The following GRIP1 variants were observed in gnomAD, a reference collection of about 807,000 sequenced individuals.
GRIP1 encodes glutamate receptor interacting protein 1.
A neutral mutation model predicts 129.9 loss-of-function variants in GRIP1; 45 were observed. The ratio of observed to expected loss-of-function variants is 0.35; its 90% CI spans 0.27 to 0.44. The LOEUF is 0.44. Ranked by LOEUF, GRIP1 falls within the 20% of genes least tolerant of loss-of-function variation. The probability of loss-of-function intolerance (pLI) is 1.00; values close to 1 mark genes in which losing one functional copy is unlikely to be tolerated. For missense variants in GRIP1, 1,196 were observed against 1,396.8 expected (o/e 0.86, Z 2.29); for synonymous variants, 530 against 520.8 (o/e 1.02, Z -0.24).
intron 1 of GRIP1, among the ~76,000 whole-genome samples, chr12:66,914,334 G>A (rs1183122316): frequency 6.6e-6 from 1 of 152,062 alleles, no homozygotes; most frequent in Non-Finnish European, 1.5e-5. Context: ...CTCTTCATTT[G>A]GGCATTTACA....
intron 2 of GRIP1, among the ~76,000 whole-genome samples, chr12:66,542,233 G>A (rs907044909): frequency 1.3e-5 from 2 of 152,036 alleles, no homozygotes; most frequent in African/African-American, 4.8e-5. Context: ...TTTATTTTCT[G>A]CCATTCTCAG....
At chr12:66,524,265 C>G (rs954054879) in intron 5 of GRIP1, among the ~76,000 whole-genome samples, 2 of 152,094 alleles carry the variant, frequency 1.3e-5, no homozygotes, top group Admixed American at 6.6e-5. Context: ...CAAAATTGAC[C>G]ACATAGTTGG....
chr12:66,367,385 C>G (rs1001290467), intron 23 of GRIP1, among the ~76,000 whole-genome samples: 7 of 152,170 alleles, frequency 4.6e-5, no homozygotes, highest in African/African-American at 1.7e-4. Context: ...GGGAGTGATT[C>G]TCAATTTCTA....
At chr12:66,863,734 C>T (rs2040152653) in intron 1 of GRIP1, among the ~76,000 whole-genome samples, 3 of 152,054 alleles carry the variant, frequency 2.0e-5, no homozygotes, top group Non-Finnish European at 2.9e-5. Flanking sequence ...TCCTCATACG[C>T]CCTGTGTTAA....
In GRIP1 at chr12:67,053,102, T is replaced by C. The variant is rs185824199; in HGVS notation, c.58+15948A>G. ...ATGATGAGGAATCCATGAGGGGCCTTTGATTCATTCAGGAGTCTCCCTTAG... is the reference window on the plus strand; with the variant it reads ...ATGATGAGGAATCCATGAGGGGCCTCTGATTCATTCAGGAGTCTCCCTTAG... On this transcript the variant is annotated intron_variant, in intron 1 of 1. Coordinates refer to the GRIP1 transcript ENST00000643019. Among the ~76,000 whole-genome samples, 8 of 152,266 alleles carry C rather than the reference T, an allele frequency of 5.3e-5. No homozygotes were observed. The East Asian group carries it at 1.5e-3, about 29-fold the overall frequency.
intron 1 of GRIP1, among the ~76,000 whole-genome samples, chr12:66,645,595 C>T (rs777937821): frequency 7.2e-5 from 11 of 152,014 alleles, no homozygotes; most frequent in Admixed American, 7.2e-4. Context: ...ATGTGTTTTC[C>T]GGAATTAACT....
At chr12:66,358,172 G>A (rs1174427407) in intron 23 of GRIP1, among the ~76,000 whole-genome samples, 2 of 152,216 alleles carry the variant, frequency 1.3e-5, no homozygotes, top group Non-Finnish European at 2.9e-5. Flanking sequence ...TGGGATTACA[G>A]GCGTAAGCCA....
chr12:66,659,613 A>C (rs533102390), intron 1 of GRIP1, among the ~76,000 whole-genome samples: 1 of 152,368 alleles, frequency 6.6e-6, no homozygotes, highest in South Asian at 2.1e-4. Flanking sequence ...CTCTGTATTG[A>C]TTCTAATTTA....
At chr12:66,466,879 T>A (rs1322946212) in intron 7 of GRIP1, among the ~76,000 whole-genome samples, 1 of 152,154 alleles carries the variant, frequency 6.6e-6, no homozygotes, top group Non-Finnish European at 1.5e-5. Flanking sequence ...AAGGCCCCAC[T>A]CAGATATAGT....
chr12:66,982,686 T>C (rs2042255969), intron 1 of GRIP1, among the ~76,000 whole-genome samples: 1 of 152,154 alleles, frequency 6.6e-6, no homozygotes, highest in African/African-American at 2.4e-5. Context: ...AGCTTAGAAG[T>C]GGGTTCACCC....
At chr12:66,559,286 C>G (rs1052688333) in intron 2 of GRIP1, among the ~76,000 whole-genome samples, 1 of 152,078 alleles carries the variant, frequency 6.6e-6, no homozygotes, top group Admixed American at 6.6e-5. Context: ...TAGAAAGATG[C>G]TCAGTGTCAC....
At chr12:66,410,751 G>A (rs1297387763) in intron 15 of GRIP1, among the ~76,000 whole-genome samples, 4 of 152,172 alleles carry the variant, frequency 2.6e-5, no homozygotes, top group African/African-American at 7.2e-5. Flanking sequence ...CCTTAAAGAC[G>A]AGGTAGAGAG....
At chr12:66,446,097 G>GCCCCCCACCACCA (rs1555185782) in intron 11 of GRIP1, among the ~76,000 whole-genome samples, 7 of 139,270 alleles carry the variant, frequency 5.0e-5, no homozygotes, top group Non-Finnish European at 7.6e-5. Flanking sequence ...TCCTCCTGCC[G>GCCCCCCACCACCA]CCCCCCACCA....
At chr12:66,704,673 A>G (rs905788775) in intron 1 of GRIP1, among the ~76,000 whole-genome samples, 1 of 152,134 alleles carries the variant, frequency 6.6e-6, no homozygotes, top group South Asian at 2.1e-4. Context: ...TTTCCCAGAG[A>G]GCTTAAGAAC....
chr12:66,895,546 G>A (rs1215349481), intron 1 of GRIP1, among the ~76,000 whole-genome samples: 1 of 152,100 alleles, frequency 6.6e-6, no homozygotes, highest in African/African-American at 2.4e-5. Context: ...AGCCTCACTT[G>A]GTCTGGATCC....
chr12:66,538,825 A>T (rs563024036), intron 4 of GRIP1, among the ~76,000 whole-genome samples: 2 of 151,626 alleles, frequency 1.3e-5, no homozygotes, highest in African/African-American at 4.8e-5. Context: ...CTGGTCTCGA[A>T]CCACTGGGCT....
chr12:66,518,687 C>T (rs375434694), intron 5 of GRIP1, among the ~76,000 whole-genome samples: 4 of 152,192 alleles, frequency 2.6e-5, no homozygotes, highest in South Asian at 2.1e-4. Context: ...GAAATGCACG[C>T]GTGCTGGCCT....
intron 14 of GRIP1, among the ~76,000 whole-genome samples, chr12:66,425,879 G>A (rs184402786): frequency 0.012 from 1,766 of 152,190 alleles, 11 homozygotes; most frequent in Middle Eastern, 0.041. Flanking sequence ...GCTAAATGAC[G>A]AGTGAATGGG....
At chr12:66,715,471 T>TGTGTGTGTGAGAGAGAGA (rs761155485) in intron 1 of GRIP1, among the ~76,000 whole-genome samples, 32 of 110,128 alleles carry the variant, frequency 2.9e-4, no homozygotes, top group East Asian at 1.3e-3. Flanking sequence ...TGTGTGTGTG[T>TGTGTGTGTGAGAGAGAGA]GAGAGAGAGA....
Sources: allele counts gnomAD v4.1 joint callset (sites outside exome capture counted in the v4.1 genomes callset), GRCh38; gene constraint gnomAD v4.1.1; transcripts MANE v1.5; gene names NCBI Gene and HGNC (gene_info 2026-07-23, HGNC 2026-07-21).